Variants in PLCL1 observed in about 807,000 individuals in gnomAD.
PLCL1 encodes phospholipase C like 1 (inactive).
In PLCL1, 41 loss-of-function variants were observed where a neutral mutation model predicts 84.4. The observed-to-expected ratio is 0.49, with a 90% CI of 0.38 to 0.63. PLCL1 has a LOEUF of 0.63. PLCL1 is among the 30% of genes least tolerant of loss of function. The pLI is 0.00. For synonymous variants in PLCL1, 490 were observed against 488.3 expected, an observed-to-expected ratio of 1.00 and a Z score of -0.05; for missense variants, 1,206 against 1,367.8, an observed-to-expected ratio of 0.88 and a Z score of 1.87.
intron 1 of PLCL1, among the ~76,000 whole-genome samples, chr2:197,833,089 G>C (rs899791946): frequency 2.6e-5 from 4 of 152,214 alleles, no homozygotes; most frequent in Non-Finnish European, 5.9e-5. Context: ...TGGAATCCCA[G>C]CTACTCAGGA....
intron 1 of PLCL1, among the ~76,000 whole-genome samples, chr2:198,079,606 T>C (rs1040738223): frequency 2.0e-5 from 3 of 152,172 alleles, no homozygotes; most frequent in Admixed American, 1.3e-4. Flanking sequence ...TACTAGTTCA[T>C]GAGACTCTTC....
At chr2:198,103,404 C>T (rs1157020164) in intron 4 of PLCL1, among the ~76,000 whole-genome samples, 2 of 151,790 alleles carry the variant, frequency 1.3e-5, no homozygotes, top group Admixed American at 6.6e-5. Flanking sequence ...GGTATCCATC[C>T]CCTCAAGCAT....
intron 1 of PLCL1, among the ~76,000 whole-genome samples, chr2:197,878,749 A>G (rs1333854932): frequency 6.6e-6 from 1 of 152,088 alleles, no homozygotes; most frequent in Non-Finnish European, 1.5e-5. Flanking sequence ...CCCTCGTTTG[A>G]CTAGGCTCTC....
chr2:198,100,057 A>G (rs1441174117), intron 3 of PLCL1, among the ~76,000 whole-genome samples: 1 of 152,152 alleles, frequency 6.6e-6, no homozygotes, highest in Non-Finnish European at 1.5e-5. Flanking sequence ...TCAAAAAGAT[A>G]ATTACAAGTT....
Position 197,992,620 on chromosome 2 carries a change from G to A in PLCL1, c.241-91138G>A, listed in dbSNP as rs530411703. 3.5e-4 allele frequency among the ~76,000 whole-genome samples: 54 copies of A among 152,222 alleles called. No individual in the cohort carries two copies. In the South Asian group the frequency reaches 0.011, roughly 30 times the overall value. On this transcript the variant is annotated intron_variant, in intron 1 of 5. Transcript: ENST00000428675. ...ATTTTAAGTGTATCTATAGTGTAGT[G>A]CAACCATCACACCACACATCTTCAG...
chr2:197,907,972 G>A (rs576914673), intron 1 of PLCL1, among the ~76,000 whole-genome samples: 36 of 152,308 alleles, frequency 2.4e-4, no homozygotes, highest in African/African-American at 8.2e-4. Flanking sequence ...TCTTGTACAA[G>A]AGGGTCATCT....
At chr2:197,986,524 A>T (rs1690221750) in intron 1 of PLCL1, among the ~76,000 whole-genome samples, 1 of 152,058 alleles carries the variant, frequency 6.6e-6, no homozygotes, top group Non-Finnish European at 1.5e-5. Context: ...TTAATTTTTT[A>T]AATTTTGTAG....
chr2:197,979,782 T>C (rs1284540883), intron 1 of PLCL1, among the ~76,000 whole-genome samples: 1 of 152,204 alleles, frequency 6.6e-6, no homozygotes, highest in African/African-American at 2.4e-5. Context: ...AAGATCCCTC[T>C]AATTTCTTCC....
intron 1 of PLCL1, among the ~76,000 whole-genome samples, chr2:197,824,289 C>A (rs924025758): frequency 6.6e-6 from 1 of 151,994 alleles, no homozygotes; most frequent in Non-Finnish European, 1.5e-5. Flanking sequence ...TTGCACCTTA[C>A]AATTCAATGA....
intron 1 of PLCL1, among the ~76,000 whole-genome samples, chr2:197,933,325 G>GCGATCT (rs942396883): frequency 6.9e-6 from 1 of 145,830 alleles, no homozygotes; most frequent in Non-Finnish European, 1.5e-5. Context: ...GCGCAGTGGT[G>GCGATCT]CGATCTCGGC....
At chr2:197,846,841 A>G (rs909665560) in intron 1 of PLCL1, among the ~76,000 whole-genome samples, 4 of 152,154 alleles carry the variant, frequency 2.6e-5, no homozygotes, top group African/African-American at 9.7e-5. Context: ...TATATGGATG[A>G]TAGATCCTCA....
At position 197,805,200 on chromosome 2, in the gene PLCL1, T is replaced by G; in HGVS notation, c.101T>G (p.Val34Gly). Residue 34 changes from valine to glycine, a missense_variant, in exon 1 of 6, where the codon GTG (valine) becomes GGG (glycine). By Grantham distance (109) the Val-to-Gly change is moderately radical. Coordinates refer to ENST00000428675, the MANE Select transcript of PLCL1 (RefSeq NM_006226.4). The surrounding 1 kb of genome is among the most constrained non-coding windows in gnomAD (Gnocchi z 4.0). ...RVGPDAAGDC[V>G]TAASGGRMRD... ...GGCCCGGATGCCGCCGGGGACTGCG[T>G]GACGGCGGCCTCTGGGGGCCGGATG... 6 of 1,276,630 alleles carry G rather than the reference T, an allele frequency of 4.7e-6. No individual in the cohort carries two copies. Among genetic ancestry groups the G allele is most frequent in the Non-Finnish European group, 5.9e-6 (6 of 1,013,658 alleles). The allele number at this position is 1,276,630 out of a possible 1,614,324, so 79.1% of individuals were successfully genotyped here.
intron 1 of PLCL1, among the ~76,000 whole-genome samples, chr2:197,861,060 C>T (rs148835933): frequency 6.6e-6 from 1 of 152,204 alleles, no homozygotes; most frequent in East Asian, 1.9e-4. Flanking sequence ...CTTAAAATCT[C>T]CAAAGTGATA....
intron 5 of PLCL1, among the ~76,000 whole-genome samples, chr2:198,145,264 A>C (rs1694492683): frequency 6.6e-6 from 1 of 152,160 alleles, no homozygotes; most frequent in Admixed American, 6.5e-5. Flanking sequence ...TAGTGTTAAG[A>C]ACAGACTTCC....
chr2:198,056,323 A>C (rs899260558), intron 1 of PLCL1, among the ~76,000 whole-genome samples: 15 of 152,106 alleles, frequency 9.9e-5, no homozygotes, highest in African/African-American at 3.1e-4. Context: ...CCCCCCCATA[A>C]GGATTGATTA....
intron 5 of PLCL1, among the ~76,000 whole-genome samples, chr2:198,122,327 A>G (rs867827282): frequency 6.6e-6 from 1 of 152,094 alleles, no homozygotes; most frequent in African/African-American, 2.4e-5. Context: ...GATATTAACA[A>G]TCAAAGTGAC....
intron 5 of PLCL1, among the ~76,000 whole-genome samples, chr2:198,125,274 T>C (rs1693958142): frequency 6.6e-6 from 1 of 152,084 alleles, no homozygotes; most frequent in Admixed American, 6.6e-5. Context: ...AAGGACAGAT[T>C]TCCTTTCCTC....
At chr2:198,032,081 A>G (rs1341173745) in intron 1 of PLCL1, among the ~76,000 whole-genome samples, 1 of 152,190 alleles carries the variant, frequency 6.6e-6, no homozygotes, top group Non-Finnish European at 1.5e-5. Context: ...CTGTTTTGGA[A>G]AAAAGGAAAA....
chr2:197,911,766 T>TA (rs1282107542), intron 1 of PLCL1, among the ~76,000 whole-genome samples: 4 of 152,178 alleles, frequency 2.6e-5, no homozygotes, highest in African/African-American at 9.7e-5. Flanking sequence ...GAGTTTTCAG[T>TA]AAAAACATTG....
Sources: gnomAD v4.1 joint callset for allele counts (sites outside exome capture counted in the v4.1 genomes callset) on GRCh38, gnomAD v4.1.1 for gene constraint, Gnocchi (gnomAD v3.1) non-coding constraint, MANE v1.5 for transcripts, NCBI Gene and HGNC (gene_info 2026-07-23, HGNC 2026-07-21) for gene names.